DGKB: variants seen among roughly 807,000 people sequenced by gnomAD.
DGKB encodes the protein 90 kDa diacylglycerol kinase.
Under a neutral mutation model 114.3 loss-of-function variants are expected in DGKB, and 67 were observed. The ratio of observed to expected loss-of-function variants is 0.59; its 90% CI spans 0.48 to 0.72. The LOEUF (loss-of-function observed/expected upper bound fraction) is 0.72. DGKB is among the 30% of genes least tolerant of loss of function. The pLI is 0.00. For synonymous variants in DGKB, 398 were observed against 323.1 expected (o/e 1.23, Z -2.49); for missense variants, 907 against 975.2 (o/e 0.93, Z 0.93).
At chr7:14,815,841 A>G (rs1844062561) in intron 2 of DGKB, among the ~76,000 whole-genome samples, 1 of 152,226 alleles carries the variant, frequency 6.6e-6, no homozygotes, top group African/African-American at 2.4e-5. Flanking sequence ...TGCTGGGAAC[A>G]CACTGGGGGA....
At chr7:14,688,510 G>A (rs745607165) in intron 9 of DGKB, among the ~76,000 whole-genome samples, 1 of 152,082 alleles carries the variant, frequency 6.6e-6, no homozygotes, top group Non-Finnish European at 1.5e-5. Flanking sequence ...GGGTTGTGTT[G>A]TGTAACATCC....
chr7:14,267,660 T>A (rs1474968372), intron 23 of DGKB, among the ~76,000 whole-genome samples: 2 of 151,898 alleles, frequency 1.3e-5, no homozygotes, highest in East Asian at 1.9e-4. Flanking sequence ...AGCTAATTTT[T>A]TGTATTTTTT....
intron 5 of DGKB, among the ~76,000 whole-genome samples, chr7:14,733,888 G>T (rs1831304125): frequency 6.6e-6 from 1 of 151,972 alleles, no homozygotes; most frequent in African/African-American, 2.4e-5. Flanking sequence ...TACAACATAA[G>T]GCTTAATATT....
chr7:14,718,475 T>C lies in DGKB; in HGVS notation c.466+67A>G, dbSNP rs959626606. ...CAACTATACTAATGCAATTTTAAGT[T>C]AATCAATATCCAGTCCTTTCTCCTG... On this transcript the variant is annotated intron_variant, in intron 6 of 25. Transcript: ENST00000402815. The C allele has an allele frequency of 2.8e-6, 4 of 1,414,156 alleles. No individual in the cohort carries two copies. In the African/African-American group the frequency reaches 5.8e-5, roughly 20 times the overall value. The allele number at this position is 1,414,156 out of a possible 1,614,324, so 87.6% of individuals were successfully genotyped here.
At chr7:14,852,487 C>CAAAAAAACAAAAACAAACAAA (rs1554304213) in intron 1 of DGKB, among the ~76,000 whole-genome samples, 2 of 63,636 alleles carry the variant, frequency 3.1e-5, no homozygotes, top group Non-Finnish European at 5.9e-5. Context: ...TAGTGAAAGT[C>CAAAAAAACAAAAACAAACAAA]AAAAAAAAAA....
chr7:14,598,770 C>T (rs1247805834), intron 17 of DGKB, among the ~76,000 whole-genome samples: 1 of 151,840 alleles, frequency 6.6e-6, no homozygotes, highest in Non-Finnish European at 1.5e-5. Flanking sequence ...AAAAATAAAA[C>T]ATTGAGGAAG....
intron 23 of DGKB, among the ~76,000 whole-genome samples, chr7:14,182,318 G>A (rs1782747017): frequency 6.6e-6 from 1 of 150,976 alleles, no homozygotes; most frequent in African/African-American, 2.4e-5. Flanking sequence ...ATTTTAATTT[G>A]TTAATAAGAA....
At chr7:14,467,111 T>A (rs542712421) in intron 21 of DGKB, among the ~76,000 whole-genome samples, 1 of 151,466 alleles carries the variant, frequency 6.6e-6, no homozygotes, top group African/African-American at 2.4e-5. Context: ...GCTTAATGAG[T>A]TTTTGTATGT....
chr7:14,892,321 T>C (rs1322406631), intron 1 of DGKB, among the ~76,000 whole-genome samples: 3 of 151,164 alleles, frequency 2.0e-5, no homozygotes, highest in African/African-American at 7.3e-5. Flanking sequence ...CTGCCAAGGA[T>C]AATTGACTTA....
At chr7:14,398,167 T>A (rs1822534158) in intron 21 of DGKB, among the ~76,000 whole-genome samples, 1 of 152,058 alleles carries the variant, frequency 6.6e-6, no homozygotes, top group Non-Finnish European at 1.5e-5. Flanking sequence ...TTTCGATCAA[T>A]GGTAATGACT....
intron 7 of DGKB, among the ~76,000 whole-genome samples, chr7:14,699,839 G>T (rs1824790520): frequency 6.6e-6 from 1 of 151,746 alleles, no homozygotes; most frequent in South Asian, 2.1e-4. Context: ...GTTTAATATT[G>T]GGACTATAGT....
chr7:14,414,449 T>G (rs1041174891), intron 21 of DGKB, among the ~76,000 whole-genome samples: 1 of 152,138 alleles, frequency 6.6e-6, no homozygotes, highest in Non-Finnish European at 1.5e-5. Context: ...AGAACAGCCC[T>G]TCCCTAGAAG....
intron 1 of DGKB, among the ~76,000 whole-genome samples, chr7:14,893,569 C>A (rs1191913971): frequency 1.3e-5 from 2 of 151,352 alleles, no homozygotes; most frequent in Admixed American, 6.6e-5. Flanking sequence ...TCTATGCCAC[C>A]AAATTTTTAT....
intron 20 of DGKB, among the ~76,000 whole-genome samples, chr7:14,501,964 T>C (rs1456779046): frequency 6.6e-6 from 1 of 151,936 alleles, no homozygotes; most frequent in East Asian, 1.9e-4. Flanking sequence ...AGATGGTGAG[T>C]ATATTTTGCA....
Position 14,736,174 on chromosome 7 carries a change from G to A in DGKB, c.189C>T (p.Phe63=), listed in dbSNP as rs560824556. ...ILNQTIDFEG[F]KLFMKTFLEA... is the part of the protein sequence containing the mutation. ...CCAGGAATGTCTTCATGAATAGTTT[G>A]AAACCTTCAAAATCTATTGTCTGGA... Residue 63 remains phenylalanine (F), a synonymous_variant, in exon 5 of 26, where the codon TTC becomes TTT. Coordinates refer to ENST00000402815, the MANE Select transcript of DGKB (RefSeq NM_001350709.2). 6.3e-6 allele frequency: 10 copies of A among 1,582,378 alleles called. No homozygotes were observed. The Admixed American group carries it at 1.1e-4, about 17-fold the overall frequency.
chr7:14,398,421 C>G (rs1377145193), intron 21 of DGKB, among the ~76,000 whole-genome samples: 1 of 152,016 alleles, frequency 6.6e-6, no homozygotes, highest in African/African-American at 2.4e-5. Context: ...GGCTGAGCAA[C>G]TGACAATCAA....
chr7:14,959,963 A>G (rs1386285394), intron 1 of DGKB, among the ~76,000 whole-genome samples: 2 of 152,060 alleles, frequency 1.3e-5, no homozygotes, highest in African/African-American at 4.8e-5. Flanking sequence ...GAGGGAAAAC[A>G]TAACATTTTC....
At chr7:14,437,641 C>A (rs376343783) in intron 21 of DGKB, among the ~76,000 whole-genome samples, 56 of 151,958 alleles carry the variant, frequency 3.7e-4, no homozygotes, top group East Asian at 2.7e-3. Context: ...TAATTTGCAT[C>A]TTGAAAGGGA....
chr7:14,257,605 CT>C (rs748320019), intron 23 of DGKB, among the ~76,000 whole-genome samples: 1 of 152,250 alleles, frequency 6.6e-6, no homozygotes, highest in South Asian at 2.1e-4. Context: ...TCATACTGGG[CT>C]TTTTCCCCTT....
Sources: allele counts gnomAD v4.1 joint callset (sites outside exome capture counted in the v4.1 genomes callset), GRCh38; gene constraint gnomAD v4.1.1; transcripts MANE v1.5; gene names NCBI Gene and HGNC (gene_info 2026-07-23, HGNC 2026-07-21).